PATJ: variants seen among roughly 807,000 people sequenced by gnomAD.
The protein encoded by PATJ is inaD-like protein.
A neutral mutation model predicts 224.9 loss-of-function variants in PATJ; 190 were observed. That is an observed-to-expected ratio of 0.84 (90% CI 0.75 to 0.95). The LOEUF is 0.95. PATJ is among the 40% of genes least tolerant of loss of function. PATJ has a pLI of 0.00. For missense variants in PATJ, 2,121 were observed against 2,270.3 expected (o/e 0.93, Z 1.34); for synonymous variants, 769 against 820.3 (o/e 0.94, Z 1.07).
At chr1:62,066,726 A>G (rs1656503285) in intron 31 of PATJ, among the ~76,000 whole-genome samples, 1 of 152,194 alleles carries the variant, frequency 6.6e-6, no homozygotes, top group Non-Finnish European at 1.5e-5. Context: ...TTGACGCAAG[A>G]CCAGCCCATG....
chr1:61,885,007 G>A (rs145267807), intron 22 of PATJ, among the ~76,000 whole-genome samples: 362 of 152,282 alleles, frequency 2.4e-3, no homozygotes, highest in African/African-American at 8.4e-3. Context: ...ATGGGTAATT[G>A]GGAGCAAGAT....
intron 7 of PATJ, among the ~76,000 whole-genome samples, chr1:61,780,465 A>AAAAC (rs901006420): frequency 3.0e-4 from 46 of 152,268 alleles, no homozygotes; most frequent in Non-Finnish European, 6.2e-4. Context: ...ACTCTTTCTC[A>AAAAC]AAACAAACAA....
chr1:62,011,661 T>C (rs1242791757), intron 28 of PATJ, among the ~76,000 whole-genome samples: 1 of 151,196 alleles, frequency 6.6e-6, no homozygotes, highest in African/African-American at 2.4e-5. Flanking sequence ...CACATGCCAC[T>C]GTAAAAATGG....
chr1:61,915,576 T>C (rs1673332538), intron 26 of PATJ, among the ~76,000 whole-genome samples: 1 of 152,082 alleles, frequency 6.6e-6, no homozygotes, highest in Non-Finnish European at 1.5e-5. Flanking sequence ...AATCTATAGA[T>C]TAACTTAGAA....
At chr1:61,763,690 C>T (rs1195226577) in intron 3 of PATJ, among the ~76,000 whole-genome samples, 1 of 151,370 alleles carries the variant, frequency 6.6e-6, no homozygotes, top group African/African-American at 2.4e-5. Flanking sequence ...GACAAGGTTT[C>T]TCTCTGTCAC....
chr1:61,991,483 C>T (rs7541163), intron 28 of PATJ: 12,054 of 984,900 alleles, frequency 0.012, 159 homozygotes, highest in African/African-American at 0.057. Context: ...CCTCCTCAGA[C>T]TCTGACTCAG....
intron 33 of PATJ, among the ~76,000 whole-genome samples, chr1:62,089,438 G>A (rs1251979070): frequency 1.3e-5 from 2 of 151,306 alleles, no homozygotes; most frequent in Non-Finnish European, 2.9e-5. Flanking sequence ...ATATAGTTCT[G>A]CCTTTTCAGA....
chr1:62,152,936 C>T (rs1244268896), intron 42 of PATJ, among the ~76,000 whole-genome samples: 3 of 151,856 alleles, frequency 2.0e-5, no homozygotes, highest in Admixed American at 6.6e-5. Context: ...GTCAGGAGTT[C>T]GAGATCAGCC....
intron 25 of PATJ, among the ~76,000 whole-genome samples, chr1:61,914,142 T>G (rs936516657): frequency 6.6e-6 from 1 of 152,212 alleles, no homozygotes; most frequent in Non-Finnish European, 1.5e-5. Flanking sequence ...ATTTTAGCTG[T>G]TTAAACAAAT....
intron 6 of PATJ, among the ~76,000 whole-genome samples, chr1:61,773,299 G>A (rs1646722616): frequency 6.6e-6 from 1 of 151,958 alleles, no homozygotes; most frequent in African/African-American, 2.4e-5. Flanking sequence ...TGGGATTACA[G>A]GCTTGAGTCA....
chr1:61,808,353 G>T (rs1301078648), intron 13 of PATJ, 121 bp from the exon 14 acceptor site: 3 of 664,354 alleles, frequency 4.5e-6, no homozygotes, highest in East Asian at 2.8e-5. Flanking sequence ...TATAAGAAAG[G>T]TATCGGAATG....
At chr1:61,918,912 C>T (rs1557875544) in intron 26 of PATJ, among the ~76,000 whole-genome samples, 2 of 151,838 alleles carry the variant, frequency 1.3e-5, no homozygotes, top group Non-Finnish European at 2.9e-5. Flanking sequence ...GAGCCATGGT[C>T]ACACCACTGC....
intron 27 of PATJ, among the ~76,000 whole-genome samples, chr1:61,984,128 T>C (rs1028232636): frequency 1.3e-5 from 2 of 150,920 alleles, no homozygotes; most frequent in Admixed American, 6.6e-5. Context: ...AATAAAATTG[T>C]ATAACTATGA....
At chr1:61,849,670 A>G (rs1662512798) in intron 17 of PATJ, among the ~76,000 whole-genome samples, 1 of 152,168 alleles carries the variant, frequency 6.6e-6, no homozygotes, top group Non-Finnish European at 1.5e-5. Context: ...TATGTAATAC[A>G]CTCAGTTGAC....
intron 27 of PATJ, among the ~76,000 whole-genome samples, chr1:61,931,190 AG>A (rs1675977210): frequency 6.6e-6 from 1 of 152,178 alleles, no homozygotes; most frequent in South Asian, 2.1e-4. Context: ...TCAGATAAGA[AG>A]TGTTTATTGA....
chr1:62,014,165 C>T (rs1646627675), intron 28 of PATJ, among the ~76,000 whole-genome samples: 1 of 152,094 alleles, frequency 6.6e-6, no homozygotes, highest in Non-Finnish European at 1.5e-5. Flanking sequence ...AAGCGATCCT[C>T]CCACCTCAGC....
At chr1:62,127,770 G>A (rs1303360982) in intron 39 of PATJ, among the ~76,000 whole-genome samples, 2 of 151,994 alleles carry the variant, frequency 1.3e-5, no homozygotes, top group Non-Finnish European at 2.9e-5. Flanking sequence ...TCGTGCCATT[G>A]CACTCCAGCC....
chr1:61,999,938 A>G (rs1427171364), intron 28 of PATJ, among the ~76,000 whole-genome samples: 1 of 151,700 alleles, frequency 6.6e-6, no homozygotes, highest in Non-Finnish European at 1.5e-5. Flanking sequence ...ACTGGAGTGC[A>G]GTGGTGTGAT....
chr1:61,940,196 C>T (rs1677590926), intron 27 of PATJ, among the ~76,000 whole-genome samples: 1 of 152,020 alleles, frequency 6.6e-6, no homozygotes, highest in African/African-American at 2.4e-5. Context: ...TGAGCTGGAG[C>T]AAGTCGCATC....
Sources: allele counts gnomAD v4.1 joint callset (sites outside exome capture counted in the v4.1 genomes callset), GRCh38; gene constraint gnomAD v4.1.1; transcripts MANE v1.5; gene names NCBI Gene and HGNC (gene_info 2026-07-23, HGNC 2026-07-21).